XRCC4: variants seen among roughly 807,000 people sequenced by gnomAD.
XRCC4 encodes DNA repair protein XRCC4.
A neutral mutation model predicts 39.1 loss-of-function variants in XRCC4; 28 were observed. That is an observed-to-expected ratio of 0.72 (90% CI 0.53 to 0.98). The LOEUF (loss-of-function observed/expected upper bound fraction) is 0.98. Ranked by LOEUF, XRCC4 falls within the 50% of genes least tolerant of loss-of-function variation. The probability of loss-of-function intolerance (pLI) is 0.00; values close to 1 mark genes in which losing one functional copy is unlikely to be tolerated. For missense variants in XRCC4, 350 were observed against 376.4 expected, an observed-to-expected ratio of 0.93 and a Z score of 0.58; for synonymous variants, 123 against 126.4, an observed-to-expected ratio of 0.97 and a Z score of 0.18.
At chr5:83,147,935 A>T (rs560246821) in intron 3 of XRCC4, among the ~76,000 whole-genome samples, 5 of 151,830 alleles carry the variant, frequency 3.3e-5, no homozygotes, top group South Asian at 2.1e-4. Flanking sequence ...TTACAGACAC[A>T]TGCCACTATG....
intron 7 of XRCC4, among the ~76,000 whole-genome samples, chr5:83,295,180 G>A (rs908960685): frequency 6.6e-6 from 1 of 151,844 alleles, no homozygotes; most frequent in African/African-American, 2.4e-5. Context: ...GGGACATATA[G>A]TGAGCAGCAC....
At chr5:83,322,360 ATTAT>A (rs1561474650) in intron 7 of XRCC4, among the ~76,000 whole-genome samples, 1 of 152,028 alleles carries the variant, frequency 6.6e-6, no homozygotes, top group East Asian at 1.9e-4. Context: ...CCTCAATGAA[ATTAT>A]TTATGTTTTT....
intron 6 of XRCC4, among the ~76,000 whole-genome samples, chr5:83,243,977 T>C (rs765216214): frequency 2.6e-5 from 4 of 152,112 alleles, no homozygotes; most frequent in Non-Finnish European, 4.4e-5. Context: ...ATGGAGGAAG[T>C]AATATTGGAG....
intron 3 of XRCC4, among the ~76,000 whole-genome samples, chr5:83,195,550 C>G (rs1466359572): frequency 6.6e-6 from 1 of 152,076 alleles, no homozygotes; most frequent in Non-Finnish European, 1.5e-5. Context: ...TTACCACTTA[C>G]AAAAATTATT....
chr5:83,310,772 A>T (rs150334359), intron 7 of XRCC4: 190 of 456,734 alleles, frequency 4.2e-4, no homozygotes, highest in East Asian at 1.6e-3. Context: ...AAATGCAATT[A>T]TAACTTTCCT....
intron 7 of XRCC4, among the ~76,000 whole-genome samples, chr5:83,303,914 T>C (rs918487253): frequency 3.3e-5 from 5 of 152,194 alleles, no homozygotes; most frequent in African/African-American, 1.2e-4. Flanking sequence ...GTAAAACTAA[T>C]GACTTTGCAC....
At chr5:83,277,597 C>A (rs1754380146) in intron 7 of XRCC4, among the ~76,000 whole-genome samples, 1 of 152,170 alleles carries the variant, frequency 6.6e-6, no homozygotes, top group Non-Finnish European at 1.5e-5. Flanking sequence ...ATTTTTAGCA[C>A]CATCACACTC....
the XRCC4 span, among the ~76,000 whole-genome samples, chr5:83,367,185 T>C: frequency 2.0e-5 from 3 of 152,296 alleles, no homozygotes; most frequent in East Asian, 5.8e-4. Flanking sequence ...ATAGAAAGCT[T>C]TGTTGATTGG....
intron 7 of XRCC4, 128 bp from the exon 8 acceptor site, chr5:83,353,003 A>G (rs1561488893): frequency 4.3e-6 from 3 of 699,690 alleles, no homozygotes; most frequent in Non-Finnish European, 6.9e-6. Context: ...AGCATAGAGA[A>G]ATAAATCTCT....
chr5:83,246,630 T>A (rs1185062641), intron 6 of XRCC4, among the ~76,000 whole-genome samples: 3 of 152,138 alleles, frequency 2.0e-5, no homozygotes, highest in African/African-American at 7.2e-5. Flanking sequence ...CAGTTTATTA[T>A]GGAAGAATTA....
At chr5:83,368,203 G>A in the XRCC4 span, among the ~76,000 whole-genome samples, 1 of 152,116 alleles carries the variant, frequency 6.6e-6, no homozygotes, top group Non-Finnish European at 1.5e-5. Context: ...AAAGAATTGA[G>A]TTCAAACCCC....
At chr5:83,171,069 A>G (rs1749699559) in intron 3 of XRCC4, among the ~76,000 whole-genome samples, 2 of 151,996 alleles carry the variant, frequency 1.3e-5, no homozygotes, top group Admixed American at 1.3e-4. Flanking sequence ...AATTCACTCT[A>G]ATAGACCTGC....
chr5:83,125,770 G>A (rs1203108491), intron 3 of XRCC4, among the ~76,000 whole-genome samples: 3 of 151,970 alleles, frequency 2.0e-5, no homozygotes, highest in African/African-American at 7.3e-5. Flanking sequence ...ATCACCTGAG[G>A]TCAGGAGTTC....
At chr5:83,347,600 C>A (rs1221973884) in intron 7 of XRCC4, among the ~76,000 whole-genome samples, 1 of 152,138 alleles carries the variant, frequency 6.6e-6, no homozygotes, top group Non-Finnish European at 1.5e-5. Context: ...TCCCACCAGG[C>A]CACTCCTCCA....
chr5:83,208,874 C>T (rs1436320283), intron 6 of XRCC4, among the ~76,000 whole-genome samples: 1 of 152,058 alleles, frequency 6.6e-6, no homozygotes, highest in Non-Finnish European at 1.5e-5. Flanking sequence ...TAAGCTATGG[C>T]TGCATACTAA....
At chr5:83,196,671 C>T (rs1469832437) in intron 4 of XRCC4, among the ~76,000 whole-genome samples, 3 of 151,090 alleles carry the variant, frequency 2.0e-5, no homozygotes, top group African/African-American at 7.3e-5. Flanking sequence ...TGTGTATGCA[C>T]ACACATATAT....
intron 7 of XRCC4, among the ~76,000 whole-genome samples, chr5:83,303,495 T>C (rs188129043): frequency 5.3e-5 from 8 of 152,102 alleles, no homozygotes; most frequent in African/African-American, 1.4e-4. Flanking sequence ...GAAATACTAA[T>C]GACAATTGTG....
chr5:83,176,628 AT>A (rs112213729), intron 3 of XRCC4, among the ~76,000 whole-genome samples: 43 of 145,720 alleles, frequency 3.0e-4, no homozygotes, highest in Admixed American at 6.8e-4. Flanking sequence ...AAGTATTGGA[AT>A]TTTTTTTTTT....
chr5:83,133,009 A>G (rs945289790), intron 3 of XRCC4, among the ~76,000 whole-genome samples: 6 of 151,940 alleles, frequency 3.9e-5, no homozygotes, highest in African/African-American at 1.2e-4. Flanking sequence ...GTTTTTCCCC[A>G]TCTTTGTGGT....
Sources: allele counts gnomAD v4.1 joint callset (sites outside exome capture counted in the v4.1 genomes callset), GRCh38; gene constraint gnomAD v4.1.1; transcripts MANE v1.5; gene names NCBI Gene and HGNC (gene_info 2026-07-23, HGNC 2026-07-21).